Variants in RFX4 observed in about 807,000 individuals in gnomAD.
RFX4 encodes the protein regulatory factor X4.
A neutral mutation model predicts 95.0 loss-of-function variants in RFX4; 10 were observed. The ratio of observed to expected loss-of-function variants is 0.11; its 90% CI spans 0.06 to 0.18. RFX4 has a LOEUF of 0.18. Ranked by LOEUF, RFX4 falls within the 10% of genes least tolerant of loss-of-function variation. The pLI is 1.00. For synonymous variants in RFX4, 321 were observed against 340.7 expected, an observed-to-expected ratio of 0.94 and a Z score of 0.64; for missense variants, 640 against 922.0, an observed-to-expected ratio of 0.69 and a Z score of 3.96.
intron 4 of RFX4, among the ~76,000 whole-genome samples, chr12:106,667,558 A>G (rs535046499): frequency 3.3e-4 from 51 of 152,248 alleles, no homozygotes; most frequent in Admixed American, 2.5e-3. Flanking sequence ...TTTAACTCTC[A>G]GCCTTGTCTG....
chr12:106,664,468 G>A (rs865837663), intron 4 of RFX4, among the ~76,000 whole-genome samples: 38 of 151,738 alleles, frequency 2.5e-4, no homozygotes, highest in Middle Eastern at 3.4e-3. Context: ...GCTTGCTAGA[G>A]GCCTATCAAT....
At chr12:106,758,337 C>T (rs901360542) in intron 17 of RFX4, among the ~76,000 whole-genome samples, 20 of 152,188 alleles carry the variant, frequency 1.3e-4, no homozygotes, top group African/African-American at 4.8e-4. Flanking sequence ...GACTCATTTG[C>T]AATTAGCTGA....
intron 4 of RFX4, among the ~76,000 whole-genome samples, chr12:106,677,289 TAGG>T (rs1407442544): frequency 3.9e-5 from 6 of 151,994 alleles, no homozygotes; most frequent in African/African-American, 1.2e-4. Context: ...TGGAGAAAGC[TAGG>T]AGTTCCTTGG....
At chr12:106,639,576 G>T (rs2040578210) in intron 3 of RFX4, among the ~76,000 whole-genome samples, 184 bp downstream of exon 3, 1 of 152,096 alleles carries the variant, frequency 6.6e-6, no homozygotes, top group Non-Finnish European at 1.5e-5. Flanking sequence ...CCTGGAGATT[G>T]GAATTTTTGT....
intron 15 of RFX4, among the ~76,000 whole-genome samples, chr12:106,747,089 A>C (rs1366496470): frequency 6.6e-6 from 1 of 152,210 alleles, no homozygotes; most frequent in Non-Finnish European, 1.5e-5. Context: ...ACTTAGGCCT[A>C]CAGTACAGTG....
intron 2 of RFX4, among the ~76,000 whole-genome samples, chr12:106,631,607 C>T (rs1321269163): frequency 2.0e-5 from 3 of 152,208 alleles, no homozygotes; most frequent in African/African-American, 7.2e-5. Context: ...TGTGTGAACA[C>T]AGGGCAAGAA....
At chr12:106,716,219 A>G (rs1041559260) in intron 11 of RFX4, among the ~76,000 whole-genome samples, 2 of 152,102 alleles carry the variant, frequency 1.3e-5, no homozygotes, top group Non-Finnish European at 2.9e-5. Context: ...GCATCCCCCC[A>G]GCCCAATAAC....
chr12:106,705,199 A>G (rs2042060894), intron 8 of RFX4, among the ~76,000 whole-genome samples: 1 of 152,204 alleles, frequency 6.6e-6, no homozygotes, highest in Non-Finnish European at 1.5e-5. Context: ...GTACATGTGA[A>G]GTGTTCAGTA....
At chr12:106,585,538 G>A (rs1038013847) in intron 1 of RFX4, among the ~76,000 whole-genome samples, 1 of 152,172 alleles carries the variant, frequency 6.6e-6, no homozygotes. Context: ...GCGGCTCGGC[G>A]TGGTCCAGTC....
chr12:106,668,165 G>C (rs2137358807), intron 4 of RFX4, among the ~76,000 whole-genome samples: 1 of 152,294 alleles, frequency 6.6e-6, no homozygotes, highest in South Asian at 2.1e-4. Context: ...GTTTCTTTCT[G>C]TCTTTGTGCT....
chr12:106,641,654 T>G (rs2040625080), intron 3 of RFX4, among the ~76,000 whole-genome samples: 1 of 152,250 alleles, frequency 6.6e-6, no homozygotes, highest in Non-Finnish European at 1.5e-5. Context: ...GAATTTTTTT[T>G]AATGATAAGT....
chr12:106,693,203 G>A (rs749790242), intron 7 of RFX4: 43 of 327,324 alleles, frequency 1.3e-4, no homozygotes, highest in Middle Eastern at 7.8e-4. Flanking sequence ...CTCACCTGGA[G>A]GAACAAGTAT....
intron 2 of RFX4, among the ~76,000 whole-genome samples, chr12:106,629,660 A>T (rs1440262366): frequency 6.6e-6 from 1 of 151,930 alleles, no homozygotes; most frequent in Non-Finnish European, 1.5e-5. Context: ...TTTTTTATAG[A>T]GATGGGGTTT....
chr12:106,750,893 C>A, intron 17 of RFX4, 100 bp downstream of exon 17: 5 of 1,060,508 alleles, frequency 4.7e-6, no homozygotes, highest in Admixed American at 3.1e-5. Flanking sequence ...GTGTGTGCAG[C>A]GTGTGTGTCC....
chr12:106,703,831 C>T (rs1417124379), intron 8 of RFX4, among the ~76,000 whole-genome samples: 3 of 151,890 alleles, frequency 2.0e-5, no homozygotes, highest in Admixed American at 6.6e-5. Flanking sequence ...TTTGGGAGTC[C>T]GAGGCAGGTA....
intron 15 of RFX4, among the ~76,000 whole-genome samples, chr12:106,738,645 G>C (rs545134679): frequency 6.6e-6 from 1 of 152,142 alleles, no homozygotes; most frequent in Non-Finnish European, 1.5e-5. Flanking sequence ...TCTCCATGGG[G>C]CATTAAAAAT....
intron 13 of RFX4, among the ~76,000 whole-genome samples, chr12:106,728,688 T>C (rs1053725477): frequency 1.7e-4 from 26 of 152,316 alleles, no homozygotes; most frequent in African/African-American, 6.3e-4. Flanking sequence ...TTTCTGTATC[T>C]CCTTTTCATT....
intron 1 of RFX4, among the ~76,000 whole-genome samples, chr12:106,594,928 G>C (rs1204362146): frequency 7.9e-5 from 12 of 152,164 alleles, no homozygotes; most frequent in Admixed American, 5.9e-4. Context: ...AGGATGGGAG[G>C]CAAGGAAGAG....
chr12:106,685,290 G>A (rs1446710278), intron 5 of RFX4, among the ~76,000 whole-genome samples: 2 of 152,032 alleles, frequency 1.3e-5, no homozygotes, highest in South Asian at 2.1e-4. Flanking sequence ...CTTAGTAGTA[G>A]TAAGGTTTGA....
Sources: gnomAD v4.1 joint callset for allele counts (sites outside exome capture counted in the v4.1 genomes callset) on GRCh38, gnomAD v4.1.1 for gene constraint, MANE v1.5 for transcripts, NCBI Gene and HGNC (gene_info 2026-07-23, HGNC 2026-07-21) for gene names.